Variants in CDH20 observed in about 807,000 individuals in gnomAD.
The protein encoded by CDH20 is cadherin-20.
A neutral mutation model predicts 74.2 loss-of-function variants in CDH20; 29 were observed. That is an observed-to-expected ratio of 0.39 (90% confidence interval 0.29 to 0.53). The LOEUF is 0.53. Among genes scored for constraint, CDH20 ranks in the 20% least tolerant of loss-of-function variants. The probability of loss-of-function intolerance (pLI) is 0.69; values close to 1 mark genes in which losing one functional copy is unlikely to be tolerated. For missense variants in CDH20, 988 were observed against 1,048.3 expected, an observed-to-expected ratio of 0.94 and a Z score of 0.79; for synonymous variants, 469 against 405.4, an observed-to-expected ratio of 1.16 and a Z score of -1.88.
chr18:61,527,181 A>C (rs1208534864), intron 6 of CDH20, among the ~76,000 whole-genome samples: 1 of 152,228 alleles, frequency 6.6e-6, no homozygotes, highest in African/African-American at 2.4e-5. Context: ...CTCCATCTCA[A>C]AAAATAATAG....
rs758677743 is a variant in CDH20, at chr18:61,347,287, AAT to A, written c.-153+13492_-153+13493del. ...AACATGGTGAAACCTTGTCTCTGCT[AAT>A]ATATATATATATATATATATATATA... is the stretch of plus-strand genomic sequence containing the variant. On this transcript the variant is annotated intron_variant, in intron 1 of 11. Transcript: ENST00000262717. 6.6e-3 allele frequency among the ~76,000 whole-genome samples: 572 copies of A among 86,410 alleles called. 6 individuals carry two copies. Among genetic ancestry groups the A allele is most frequent in the African/African-American group, 0.022 (381 of 16,950 alleles). The allele number at this position is 86,410 out of a possible 152,430, so 56.7% of individuals were successfully genotyped here. A position where few individuals can be genotyped will look rare whatever the true frequency, so the allele number is the denominator to read the frequency against.
At chr18:61,411,518 T>C (rs1912502657) in intron 1 of CDH20, among the ~76,000 whole-genome samples, 1 of 150,208 alleles carries the variant, frequency 6.7e-6, no homozygotes, top group Non-Finnish European at 1.5e-5. Flanking sequence ...TGCCCATCAA[T>C]CAATGAGTGG....
intron 2 of CDH20, among the ~76,000 whole-genome samples, chr18:61,496,636 G>A (rs924689461): frequency 1.3e-5 from 2 of 152,304 alleles, no homozygotes; most frequent in South Asian, 2.1e-4. Flanking sequence ...CGCTTAAAGC[G>A]CGCTCACCTG....
At chr18:61,538,608 G>GTTTTTTTTTTTT (rs1449356386) in intron 8 of CDH20, among the ~76,000 whole-genome samples, 6 of 36,332 alleles carry the variant, frequency 1.7e-4, no homozygotes, top group Non-Finnish European at 3.0e-4. Context: ...TTTTGTTTTT[G>GTTTTTTTTTTTT]TTTTTGTTTT....
intron 1 of CDH20, among the ~76,000 whole-genome samples, chr18:61,387,330 G>A (rs1306265417): frequency 2.0e-5 from 3 of 152,176 alleles, no homozygotes; most frequent in African/African-American, 4.8e-5. Context: ...GAAGCCAGAG[G>A]TAGACAATTA....
intron 7 of CDH20, among the ~76,000 whole-genome samples, chr18:61,531,535 A>T (rs926472037): frequency 6.6e-6 from 1 of 152,240 alleles, no homozygotes; most frequent in Non-Finnish European, 1.5e-5. Flanking sequence ...CTTTAAAAGT[A>T]AATAACAATT....
chr18:61,509,017 T>C (rs1051625496), intron 6 of CDH20, among the ~76,000 whole-genome samples: 2 of 152,170 alleles, frequency 1.3e-5, no homozygotes, highest in Admixed American at 6.6e-5. Flanking sequence ...ATGTAGGAGC[T>C]AAGCTTTGAG....
chr18:61,419,941 C>T (rs1018947215), intron 1 of CDH20, among the ~76,000 whole-genome samples: 1 of 152,088 alleles, frequency 6.6e-6, no homozygotes, highest in African/African-American at 2.4e-5. Context: ...TCTGCCCTCC[C>T]CCACCCCACC....
At chr18:61,351,740 G>A (rs1910313323) in intron 1 of CDH20, among the ~76,000 whole-genome samples, 1 of 152,036 alleles carries the variant, frequency 6.6e-6, no homozygotes, top group South Asian at 2.1e-4. Context: ...ATATTAGCCA[G>A]GTAACTTGAT....
chr18:61,434,832 A>G (rs1908778600), intron 1 of CDH20, among the ~76,000 whole-genome samples: 1 of 152,198 alleles, frequency 6.6e-6, no homozygotes, highest in Non-Finnish European at 1.5e-5. Flanking sequence ...TGACCCATAA[A>G]GTGAATGTTA....
chr18:61,496,843 A>T (rs1340135943), intron 2 of CDH20, among the ~76,000 whole-genome samples: 2 of 152,214 alleles, frequency 1.3e-5, no homozygotes, highest in African/African-American at 4.8e-5. Flanking sequence ...CCATAAAATT[A>T]CATACATACA....
chr18:61,446,917 C>A (rs868620434), intron 1 of CDH20, among the ~76,000 whole-genome samples: 13 of 152,192 alleles, frequency 8.5e-5, no homozygotes, highest in African/African-American at 2.9e-4. Flanking sequence ...ATGTGGAAAC[C>A]AAGTAATTGT....
chr18:61,545,170 T>C (rs773205968), intron 10 of CDH20, 26 bp downstream of exon 10: 1 of 1,464,622 alleles, frequency 6.8e-7, no homozygotes, highest in Non-Finnish European at 9.6e-7. Context: ...GTTGGCTATC[T>C]GTGCTTTTCT....
At chr18:61,522,244 C>CA (rs1172088969) in intron 6 of CDH20, among the ~76,000 whole-genome samples, 1 of 152,092 alleles carries the variant, frequency 6.6e-6, no homozygotes, top group Non-Finnish European at 1.5e-5. Flanking sequence ...AATCAATGTG[C>CA]AAAAATCACA....
At chr18:61,389,900 A>G (rs1911717453) in intron 1 of CDH20, among the ~76,000 whole-genome samples, 1 of 152,142 alleles carries the variant, frequency 6.6e-6, no homozygotes, top group East Asian at 1.9e-4. Flanking sequence ...TCTTCTGTAT[A>G]TTTATTTTCT....
In CDH20 at chr18:61,364,014, C is replaced by A. The variant is rs140399469; in HGVS notation, c.-153+30187C>A. 4.6e-5 allele frequency among the ~76,000 whole-genome samples: 7 copies of A among 152,298 alleles called. No homozygotes were observed. In the East Asian group the frequency reaches 1.2e-3, roughly 25 times the overall value. ...TCTGTGCTGCTGAGTGAGGTGGTAC[C>A]AGATACACTTGGAACTGCACCTTGA... On this transcript the variant is annotated intron_variant, in intron 1 of 11. Coordinates refer to ENST00000262717, the MANE Select transcript of CDH20 (RefSeq NM_031891.4).
chr18:61,554,111 T>A, intron 11 of CDH20, 79 bp from the exon 12 acceptor site: 3 of 1,523,208 alleles, frequency 2.0e-6, no homozygotes, highest in Non-Finnish European at 1.8e-6. Flanking sequence ...CTATCCGTGG[T>A]GAATCAAGAC....
chr18:61,551,462 T>A (rs556836489), intron 11 of CDH20, among the ~76,000 whole-genome samples: 1 of 152,304 alleles, frequency 6.6e-6, no homozygotes, highest in Admixed American at 6.5e-5. Flanking sequence ...CTGTGTAAAA[T>A]GTCAACACTT....
intron 1 of CDH20, among the ~76,000 whole-genome samples, chr18:61,427,014 T>G (rs1432691754): frequency 1.3e-5 from 2 of 151,968 alleles, no homozygotes; most frequent in Non-Finnish European, 2.9e-5. Flanking sequence ...GCAGAGCAAA[T>G]CAGGGGTCAG....
Sources: gnomAD v4.1 joint callset for allele counts (sites outside exome capture counted in the v4.1 genomes callset) on GRCh38, gnomAD v4.1.1 for gene constraint, MANE v1.5 for transcripts, NCBI Gene and HGNC (gene_info 2026-07-23, HGNC 2026-07-21) for gene names.